The following SCN4B variants were observed in gnomAD, a reference collection of about 807,000 sequenced individuals.
The protein encoded by SCN4B is sodium channel regulatory subunit beta-4.
SCN4B carries 20 observed loss-of-function variants against 19.6 expected under a neutral mutation model. That is an observed-to-expected ratio of 1.02 (90% CI 0.72 to 1.48). The LOEUF (loss-of-function observed/expected upper bound fraction) is 1.48, where lower values mean the gene tolerates loss of function less well. SCN4B is among the 40% of genes most tolerant of loss of function. The pLI, the probability that SCN4B is intolerant of heterozygous loss-of-function variation, is 0.00. For missense variants in SCN4B, 271 were observed against 287.5 expected, an observed-to-expected ratio of 0.94 and a Z score of 0.42; for synonymous variants, 127 against 122.8, an observed-to-expected ratio of 1.03 and a Z score of -0.22.
rs1265182259 is a variant in SCN4B, at chr11:118,137,076, T to TTC, written c.636_637dup (p.Asn213ArgfsTer32). 5 of 1,613,996 alleles carry TTC rather than the reference T, an allele frequency of 3.1e-6. No individual in the cohort carries two copies. The highest frequency in any genetic ancestry group is 4.2e-6 in the Non-Finnish European group (5 of 1,179,972). The stretch of plus-strand genomic sequence containing the variant: ...CTCTGCCTTGGAGCCAGGCAAGCCG[T>TTC]TCTCCGTGTTGTCATTCCCCGAGGA... On this transcript the variant is annotated frameshift_variant, in exon 5 of 5. Coordinates refer to ENST00000324727, the MANE Select transcript of SCN4B (RefSeq NM_174934.4). LOFTEE classifies it high-confidence loss of function.
Position 118,135,148 on chromosome 11 carries a change from A to T in SCN4B, c.*1879T>A. The T allele has an allele frequency of 2.2e-6, 1 of 454,106 alleles. No homozygotes were observed. Among genetic ancestry groups the T allele is most frequent in the Admixed American group, 2.3e-5 (1 of 42,584 alleles). 28.1% of individuals were successfully genotyped at this position (454,106 alleles called of 1,614,324 possible). Reference sequence around the variant, plus strand: ...GGTGGCTCTGGTCTGTCTGCTCCCAAAGCCAGGAAAATCTGAGCCCCAGCC... The same window carrying T: ...GGTGGCTCTGGTCTGTCTGCTCCCATAGCCAGGAAAATCTGAGCCCCAGCC... On this transcript the variant is annotated 3_prime_UTR_variant, in exon 5 of 5. Transcript: ENST00000324727.
At position 118,136,995 on chromosome 11, in the gene SCN4B, G is replaced by T; in HGVS notation, c.*32C>A. 2 of 1,455,316 alleles carry T rather than the reference G, an allele frequency of 1.4e-6. No homozygotes were observed. The highest frequency in any genetic ancestry group is 9.7e-7 in the Non-Finnish European group (1 of 1,035,796). 90.2% of individuals were successfully genotyped at this position (1,455,316 alleles called of 1,614,324 possible). On this transcript the variant is annotated 3_prime_UTR_variant, in exon 5 of 5. Coordinates refer to ENST00000324727, the MANE Select transcript of SCN4B (RefSeq NM_174934.4). ...CATCAGTTTCATCATCAGAAAGGGG[G>T]CTCCCTGCAGCTGCTCAGCCCGAAG... is the stretch of plus-strand genomic sequence containing the variant.
At chr11:118,143,637 C>T (rs570445021) in intron 3 of SCN4B, among the ~76,000 whole-genome samples, 196 bp downstream of exon 3, 20 of 100,780 alleles carry the variant, frequency 2.0e-4, no homozygotes, top group African/African-American at 7.6e-4. Context: ...GAGAGTATTT[C>T]ATAAGCTATT....
intron 2 of SCN4B, 59 bp from the exon 3 acceptor site, chr11:118,144,120 G>T: frequency 8.6e-7 from 1 of 1,159,980 alleles, no homozygotes; most frequent in Non-Finnish European, 1.3e-6. Flanking sequence ...GGGTCCTCAA[G>T]GGTCATGACA....
In SCN4B at chr11:118,133,855, T is replaced by C. The variant is rs1208126862; in HGVS notation, c.*3172A>G. ...GGAGCACGGCTGGTCTTCTCTGCCT[T>C]TGATTCTTTCTCAGTCTCCAGATGC... On this transcript the variant is annotated 3_prime_UTR_variant, in exon 5 of 5. Coordinates refer to ENST00000324727, the MANE Select transcript of SCN4B (RefSeq NM_174934.4). 2.4e-5 allele frequency: 11 copies of C among 454,326 alleles called. No homozygotes were observed. Among genetic ancestry groups the C allele is most frequent in the Non-Finnish European group, 4.0e-5 (9 of 226,806 alleles). 28.1% of individuals were successfully genotyped at this position (454,326 alleles called of 1,614,324 possible).
At chr11:118,146,678 C>A (rs1355551372) in intron 1 of SCN4B, among the ~76,000 whole-genome samples, 1 of 152,212 alleles carries the variant, frequency 6.6e-6, no homozygotes, top group Non-Finnish European at 1.5e-5. Context: ...TAAAATCACA[C>A]CCCGTGGTCC....
At chr11:118,145,736 A>C in intron 1 of SCN4B, 1 of 261,844 alleles carries the variant, frequency 3.8e-6, no homozygotes. Flanking sequence ...AAGAAGAGAA[A>C]CGCGGCCGCC....
chr11:118,136,822 C>T lies in SCN4B; in HGVS notation c.*205G>A, dbSNP rs1391389324. The T allele has an allele frequency of 1.5e-6, 1 of 678,586 alleles. No homozygotes were observed. The highest frequency in any genetic ancestry group is 2.8e-5 in the East Asian group (1 of 35,494). 42.0% of individuals were successfully genotyped at this position (678,586 alleles called of 1,614,324 possible). A position where few individuals can be genotyped will look rare whatever the true frequency, so the allele number is the denominator to read the frequency against. On this transcript the variant is annotated 3_prime_UTR_variant, in exon 5 of 5. Transcript: ENST00000324727. ...CCTGAATCTTCCACAGACCCCCTCC[C>T]CTGGCCATCCCTTGTCCCTGGGGAG...
rs80204899 is a variant in SCN4B at position 118,142,176 on chromosome 11, A to C, written c.464-840T>G. Among the ~76,000 whole-genome samples, 751 of 152,292 alleles carry C rather than the reference A, an allele frequency of 4.9e-3. 6 individuals carry two copies. The highest frequency in any genetic ancestry group is 0.017 in the African/African-American group (720 of 41,564). On this transcript the variant is annotated intron_variant, in intron 3 of 4. Transcript: ENST00000324727. ...ATTCTTGGCATAGGGGCCTGAGTGA[A>C]CCTGTTCAGGCCCTAACTCCTCTGC...
rs545680911 is a variant in SCN4B, at chr11:118,135,385, A to G, written c.*1642T>C. On this transcript the variant is annotated 3_prime_UTR_variant, in exon 5 of 5. Transcript: ENST00000324727. Reference sequence around the variant, plus strand: ...TCTGAGGTAGACCCCAAACTCTCTGAAAAAGGGGGCTACTCCTCTCTCATC... The same window carrying G: ...TCTGAGGTAGACCCCAAACTCTCTGGAAAAGGGGGCTACTCCTCTCTCATC... 5.5e-5 allele frequency: 25 copies of G among 454,064 alleles called. No homozygotes were observed. The highest frequency in any genetic ancestry group is 5.0e-4 in the African/African-American group (25 of 50,112). 28.1% of individuals were successfully genotyped at this position (454,064 alleles called of 1,614,324 possible).
Position 118,141,091 on chromosome 11 carries a change from G to A in SCN4B, c.593+116C>T, listed in dbSNP as rs1228780321. The A allele has an allele frequency of 7.8e-5, 91 of 1,169,564 alleles. 1 individual carries two copies. In the East Asian group the frequency reaches 1.4e-3, roughly 18 times the overall value. The allele number at this position is 1,169,564 out of a possible 1,614,324, so 72.4% of individuals were successfully genotyped here. On this transcript the variant is annotated intron_variant, in intron 4 of 4. Transcript: ENST00000324727. ...GGGTGGCAGGGATAGAACAGAGAGC[G>A]GTAGGAATGGGAATGGGGGGAAGGA...
chr11:118,142,733 G>A (rs949934771), intron 3 of SCN4B: 4 of 152,170 alleles, frequency 2.6e-5, no homozygotes, highest in African/African-American at 9.7e-5. Context: ...CCTCAAGGGA[G>A]CTGGTGAGGA....
intron 4 of SCN4B, among the ~76,000 whole-genome samples, chr11:118,139,723 T>G (rs1363910184): frequency 6.6e-6 from 1 of 152,220 alleles, no homozygotes; most frequent in African/African-American, 2.4e-5. Flanking sequence ...TTCACTACTC[T>G]GAGCCTCACT....
At chr11:118,140,630 C>T (rs564971448) in intron 4 of SCN4B, among the ~76,000 whole-genome samples, 58 of 152,352 alleles carry the variant, frequency 3.8e-4, no homozygotes, top group African/African-American at 1.4e-3. Flanking sequence ...GTTGCACCCT[C>T]CGTACCTCCC....
At position 118,144,015 on chromosome 11, in the gene SCN4B, G is replaced by A. The variant is rs768926261; in HGVS notation, c.281C>T (p.Thr94Met). ...VKNEKSDPKVTLKDDDRITLV... is the reference protein window; with the variant it reads ...VKNEKSDPKVMLKDDDRITLV... ...AGTGATGCGGTCATCGTCTTTCAAC[G>A]TCACCTTGGGGTCAGACTTCTCATT... The change falls in exon 3 of 5, where the codon ACG becomes ATG. Residue 94 changes from threonine to methionine, a missense_variant. Coordinates refer to ENST00000324727, the MANE Select transcript of SCN4B (RefSeq NM_174934.4). 27 of 1,614,012 alleles carry A rather than the reference G, an allele frequency of 1.7e-5. No individual in the cohort carries two copies. The highest frequency in any genetic ancestry group is 1.7e-4 in the Middle Eastern group (1 of 6,060).
At chr11:118,139,735 T>C (rs1948070395) in intron 4 of SCN4B, among the ~76,000 whole-genome samples, 1 of 152,214 alleles carries the variant, frequency 6.6e-6, no homozygotes, top group Non-Finnish European at 1.5e-5. Context: ...AGCCTCACTT[T>C]GCTCAATTGT....
rs1489605887 is a variant in SCN4B, at chr11:118,134,516, T to C, written c.*2511A>G. On this transcript the variant is annotated 3_prime_UTR_variant, in exon 5 of 5. Transcript: ENST00000324727. ...TTGTGGGGACTAAGTTTAGCATTCTTAGTAGTGCCCCCACGCATGGGGGCA... is the reference window on the plus strand; with the variant it reads ...TTGTGGGGACTAAGTTTAGCATTCTCAGTAGTGCCCCCACGCATGGGGGCA... The C allele has an allele frequency of 4.4e-6, 2 of 454,106 alleles. No homozygotes were observed. The highest frequency in any genetic ancestry group is 2.3e-5 in the Admixed American group (1 of 42,576). 28.1% of individuals were successfully genotyped at this position (454,106 alleles called of 1,614,324 possible). A position where few individuals can be genotyped will look rare whatever the true frequency, so the allele number is the denominator to read the frequency against.
rs1390415923 is a variant in SCN4B at position 118,136,279 on chromosome 11, C to T, written c.*748G>A. ...TGCTTGGAAAGGCATAGGGAGCACT[C>T]GGGTACTCCAGGAAGGCTCGAGGGG... On this transcript the variant is annotated 3_prime_UTR_variant, in exon 5 of 5. Transcript: ENST00000324727. The T allele has an allele frequency of 2.2e-6, 1 of 453,828 alleles. No individual in the cohort carries two copies. The highest frequency in any genetic ancestry group is 2.3e-5 in the Admixed American group (1 of 42,560). 28.1% of individuals were successfully genotyped at this position (453,828 alleles called of 1,614,324 possible). A position where few individuals can be genotyped will look rare whatever the true frequency, so the allele number is the denominator to read the frequency against.
rs943311048 is a variant in SCN4B at position 118,148,304 on chromosome 11, C to T, written c.62-3075G>A. 6.6e-6 allele frequency among the ~76,000 whole-genome samples: 1 copy of T among 152,226 alleles called. No individual in the cohort carries two copies. The highest frequency in any genetic ancestry group is 2.4e-5 in the African/African-American group (1 of 41,452). On this transcript the variant is annotated intron_variant, in intron 1 of 4. Coordinates refer to ENST00000324727, the MANE Select transcript of SCN4B (RefSeq NM_174934.4). This position sits in a 1 kb window ranked among gnomAD's most constrained non-coding sequence, Gnocchi z 4.0. ...GCCAGTTATGTCTGGGAGGGTCATG[C>T]ACAAGAAAGCCGAGGGGCCTGCCTC...
Sources: gnomAD v4.1 joint callset for allele counts (sites outside exome capture counted in the v4.1 genomes callset) on GRCh38, gnomAD v4.1.1 for gene constraint, Gnocchi (gnomAD v3.1) non-coding constraint, MANE v1.5 for transcripts, NCBI Gene and HGNC (gene_info 2026-07-23, HGNC 2026-07-21) for gene names.